Variants in INPP5D observed in about 807,000 individuals in gnomAD.
INPP5D encodes the protein phosphatidylinositol 3,4,5-trisphosphate 5-phosphatase 1.
A neutral mutation model predicts 122.9 loss-of-function variants in INPP5D; 33 were observed. That is an observed-to-expected ratio of 0.27 (90% CI 0.20 to 0.36). The LOEUF (loss-of-function observed/expected upper bound fraction) is 0.36, where lower values mean the gene tolerates loss of function less well. INPP5D is among the 10% of genes least tolerant of loss of function. The pLI is 1.00. For missense variants in INPP5D, 1,053 were observed against 1,412.7 expected, an observed-to-expected ratio of 0.75 and a Z score of 4.08; for synonymous variants, 584 against 576.2, an observed-to-expected ratio of 1.01 and a Z score of -0.19.
At chr2:233,087,534 C>T (rs1171107856) in intron 2 of INPP5D, among the ~76,000 whole-genome samples, 1 of 152,024 alleles carries the variant, frequency 6.6e-6, no homozygotes, top group Non-Finnish European at 1.5e-5. Context: ...ACCATGTTGC[C>T]CAGGATGGTC....
At position 233,078,212 on chromosome 2, in the gene INPP5D, T is replaced by G. The variant is rs1409498974; in HGVS notation, c.135-1123T>G. On this transcript the variant is annotated intron_variant, in intron 1 of 26. Coordinates refer to ENST00000445964, the MANE Select transcript of INPP5D (RefSeq NM_001017915.3). The surrounding 1 kb of genome is among the most constrained non-coding windows in gnomAD (Gnocchi z 4.6). ...AGCTGCTGCCAGGGTTTCAGCAGGC[T>G]GAGGGCCACCGCAGTGTGCCCCTCT... 1.3e-5 allele frequency among the ~76,000 whole-genome samples: 2 copies of G among 152,240 alleles called. No homozygotes were observed. The highest frequency in any genetic ancestry group is 2.4e-5 in the African/African-American group (1 of 41,468).
At chr2:233,165,198 A>G (rs1289832269) in intron 13 of INPP5D, among the ~76,000 whole-genome samples, 2 of 151,990 alleles carry the variant, frequency 1.3e-5, no homozygotes, top group Non-Finnish European at 2.9e-5. Flanking sequence ...TGTGTTTGTG[A>G]GCATGTTTAT....
chr2:233,187,823 C>T lies in INPP5D; in HGVS notation c.2358+1898C>T, dbSNP rs529870731. On this transcript the variant is annotated intron_variant, in intron 21 of 26. Transcript: ENST00000445964. ...CACCCGGCCCAAGCCCGTCCTCCTG[C>T]TCCTCCTCCCTGGCTGCTTCCAGGC... Among the ~76,000 whole-genome samples, 6 of 152,332 alleles carry T rather than the reference C, an allele frequency of 3.9e-5. No individual in the cohort carries two copies. The South Asian group carries it at 1.0e-3, about 26-fold the overall frequency.
intron 2 of INPP5D, among the ~76,000 whole-genome samples, chr2:233,086,215 G>A (rs1691844555): frequency 1.6e-5 from 2 of 128,524 alleles, no homozygotes; most frequent in Admixed American, 1.8e-4. Flanking sequence ...TTTCGCTCTT[G>A]TTGCCCAGGG....
chr2:233,113,752 T>G (rs1692700255), intron 2 of INPP5D, among the ~76,000 whole-genome samples: 1 of 152,232 alleles, frequency 6.6e-6, no homozygotes, highest in Admixed American at 6.5e-5. Context: ...CTTGCCTCTC[T>G]CCTGCTGCTG....
At chr2:233,145,195 G>T (rs1693726286) in intron 6 of INPP5D, 1 of 455,866 alleles carries the variant, frequency 2.2e-6, no homozygotes, top group Non-Finnish European at 4.4e-6. Context: ...TGTTTCTTCT[G>T]TGAATAAGTG....
rs745553219 is a variant in INPP5D, at chr2:233,170,042, A to G, written c.1669A>G (p.Met557Val). 1 of 1,613,974 alleles carries G rather than the reference A, an allele frequency of 6.2e-7. No individual in the cohort carries two copies. Among genetic ancestry groups the G allele is most frequent in the South Asian group, 1.1e-5 (1 of 91,090 alleles). The change falls in exon 15 of 27, where the codon ATG becomes GTG. Residue 557 changes from methionine (M) to valine (V), a missense_variant. Transcript: ENST00000445964. The surrounding 1 kb of genome is among the most constrained non-coding windows in gnomAD (Gnocchi z 4.5). ...TTGCATTAGGCGAAACCAAAACTAT[A>G]TGAACATTCTCCGGTTCCTGGCCCT... ...EKKLRRNQNY[M>V]NILRFLALGD...
At position 233,082,854 on chromosome 2, in the gene INPP5D, G is replaced by C. The variant is rs768504578; in HGVS notation, c.198+3456G>C. ...GTTGGAACTCACAGCCAGGCCTCCC[G>C]GCCTCCCCGGCTAAGCTTTCTTCCT... On this transcript the variant is annotated intron_variant, in intron 2 of 26. Transcript: ENST00000445964. This position sits in a 1 kb window ranked among gnomAD's most constrained non-coding sequence, Gnocchi z 4.7. 3.9e-5 allele frequency among the ~76,000 whole-genome samples: 6 copies of C among 152,328 alleles called. No homozygotes were observed. The highest frequency in any genetic ancestry group is 3.4e-3 in the Middle Eastern group (1 of 294).
chr2:233,174,613 G>A (rs1473240309), intron 17 of INPP5D, among the ~76,000 whole-genome samples: 1 of 152,032 alleles, frequency 6.6e-6, no homozygotes, highest in Non-Finnish European at 1.5e-5. Context: ...CCAACATGGC[G>A]AAACCCCATC....
At chr2:233,201,207 A>G (rs1695331565) in intron 25 of INPP5D, among the ~76,000 whole-genome samples, 1 of 152,162 alleles carries the variant, frequency 6.6e-6, no homozygotes, top group African/African-American at 2.4e-5. Flanking sequence ...AAAAGGCACT[A>G]TTCAGTGGGT....
chr2:233,177,485 C>A lies in INPP5D; in HGVS notation c.2071+139C>A. ...ATTCACTGTAACCCTAATCAGGCGA[C>A]CTGGAAATGTTGATGCTTCCCTGCC... is the stretch of plus-strand genomic sequence containing the variant. On this transcript the variant is annotated intron_variant, in intron 18 of 26. Coordinates refer to ENST00000445964, the MANE Select transcript of INPP5D (RefSeq NM_001017915.3). The surrounding 1 kb of genome is among the most constrained non-coding windows in gnomAD (Gnocchi z 4.2). The A allele has an allele frequency of 7.1e-7, 1 of 1,404,838 alleles. No individual in the cohort carries two copies. Among genetic ancestry groups the A allele is most frequent in the South Asian group, 1.3e-5 (1 of 77,348 alleles). The allele number at this position is 1,404,838 out of a possible 1,614,324, so 87.0% of individuals were successfully genotyped here.
chr2:233,196,173 TGA>T (rs1695178539), intron 24 of INPP5D, among the ~76,000 whole-genome samples: 1 of 151,590 alleles, frequency 6.6e-6, no homozygotes, highest in Admixed American at 6.6e-5. Context: ...CCAGGGCCTG[TGA>T]GAAGGTGAAC....
intron 22 of INPP5D, 90 bp downstream of exon 22, chr2:233,190,027 C>T (rs1285436804): frequency 1.0e-5 from 16 of 1,536,210 alleles, no homozygotes; most frequent in Middle Eastern, 1.8e-4. Flanking sequence ...CTGGCACTTC[C>T]GGTCATAGGC....
At chr2:233,140,131 T>G in intron 6 of INPP5D, 7 of 370,340 alleles carry the variant, frequency 1.9e-5, no homozygotes, top group Non-Finnish European at 9.6e-6. Context: ...TGCCAGATTT[T>G]GATTTGAGGA....
chr2:233,153,523 G>T (rs1208719592), intron 9 of INPP5D, among the ~76,000 whole-genome samples: 2 of 152,130 alleles, frequency 1.3e-5, no homozygotes, highest in African/African-American at 4.8e-5. Context: ...ACCAAAAAAC[G>T]AAACCCTAAG....
At chr2:233,161,683 G>C (rs766438873) in intron 10 of INPP5D, 41 bp from the exon 11 acceptor site, 1 of 1,582,536 alleles carries the variant, frequency 6.3e-7, no homozygotes, top group Non-Finnish European at 8.6e-7. Context: ...TGTGCAGGGA[G>C]GCAGAGGCCT....
At position 233,082,916 on chromosome 2, in the gene INPP5D, C is replaced by T. The variant is rs1408779736; in HGVS notation, c.198+3518C>T. Among the ~76,000 whole-genome samples the T allele has an allele frequency of 6.6e-6, 1 of 152,232 alleles. No individual in the cohort carries two copies. The highest frequency in any genetic ancestry group is 2.4e-5 in the African/African-American group (1 of 41,460). ...AGGTGTTTCCAAGCCTGTCTGGAGTCCCCTGGGGAAGGATGAGCCCAGGAC... is the reference window on the plus strand; with the variant it reads ...AGGTGTTTCCAAGCCTGTCTGGAGTTCCCTGGGGAAGGATGAGCCCAGGAC... On this transcript the variant is annotated intron_variant, in intron 2 of 26. Transcript: ENST00000445964. The surrounding 1 kb of genome is among the most constrained non-coding windows in gnomAD (Gnocchi z 4.7).
chr2:233,171,275 A>C (rs1047827043), intron 17 of INPP5D, 123 bp downstream of exon 17: 7 of 1,425,672 alleles, frequency 4.9e-6, no homozygotes, highest in Non-Finnish European at 6.6e-6. Context: ...GAAAAAAATT[A>C]GAAAGCACAT....
In INPP5D at chr2:233,120,974, TA is replaced by T. The variant is rs201581565; in HGVS notation, c.199-1126del. 8.4e-3 allele frequency among the ~76,000 whole-genome samples: 1,284 copies of T among 152,174 alleles called. 8 individuals are homozygous for T. Among genetic ancestry groups the T allele is most frequent in the Middle Eastern group, 0.034 (10 of 294 alleles). ...AATTGATTTTTTCCTGTGTTTTTTTTAAAAAAAGTTCTTCGTGCAGGAAAAA... is the reference window on the plus strand; with the variant it reads ...AATTGATTTTTTCCTGTGTTTTTTTTAAAAAAGTTCTTCGTGCAGGAAAAA... On this transcript the variant is annotated intron_variant, in intron 2 of 26. Transcript: ENST00000445964.
Sources: allele counts gnomAD v4.1 joint callset (sites outside exome capture counted in the v4.1 genomes callset), GRCh38; gene constraint gnomAD v4.1.1; non-coding constraint Gnocchi (gnomAD v3.1); transcripts MANE v1.5; gene names NCBI Gene and HGNC (gene_info 2026-07-23, HGNC 2026-07-21).